MED27: variants seen among roughly 807,000 people sequenced by gnomAD.
MED27 encodes the protein mediator complex subunit 27.
A neutral mutation model predicts 38.2 loss-of-function variants in MED27; 30 were observed. That is an observed-to-expected ratio of 0.79 (90% CI 0.59 to 1.07). MED27 has a LOEUF of 1.07. Among genes scored for constraint, MED27 ranks in the 50% least tolerant of loss-of-function variants. The pLI is 0.00. For synonymous variants in MED27, 122 were observed against 153.5 expected, an observed-to-expected ratio of 0.79 and a Z score of 1.52; for missense variants, 289 against 397.5, an observed-to-expected ratio of 0.73 and a Z score of 2.32.
rs903389674 is a variant in MED27 at position 131,869,347 on chromosome 9, T to G, written c.724-6207A>C. 9.6e-5 allele frequency: 95 copies of G among 985,132 alleles called. 1 individual carries two copies. In the Middle Eastern group the frequency reaches 5.7e-3, roughly 60 times the overall value. 61.0% of individuals were successfully genotyped at this position (985,132 alleles called of 1,614,324 possible). Reference sequence around the variant, plus strand: ...TTTACATTTTTCAACAACAAAGTTGTTTTTTTGCTCAGCATCCAAGACTTG... The same window carrying G: ...TTTACATTTTTCAACAACAAAGTTGGTTTTTTGCTCAGCATCCAAGACTTG... On this transcript the variant is annotated intron_variant, in intron 6 of 7. Transcript: ENST00000292035.
intron 3 of MED27, among the ~76,000 whole-genome samples, chr9:131,989,554 AAC>A (rs1212951186): frequency 5.3e-5 from 8 of 152,226 alleles, no homozygotes; most frequent in Admixed American, 5.2e-4. Context: ...AAACACATAA[AAC>A]AGTTACCATC....
chr9:132,077,325 C>A, intron 2 of MED27, 117 bp downstream of exon 2: 4 of 1,041,650 alleles, frequency 3.8e-6, no homozygotes, highest in Non-Finnish European at 2.8e-6. Context: ...CTCTATAACC[C>A]CATGCTGAAT....
At chr9:131,957,634 C>T (rs1831131583) in intron 3 of MED27, among the ~76,000 whole-genome samples, 1 of 152,124 alleles carries the variant, frequency 6.6e-6, no homozygotes, top group Non-Finnish European at 1.5e-5. Context: ...ACAGATTAAA[C>T]ACATTGTGGT....
rs867807894 is a variant in MED27 at position 132,067,760 on chromosome 9, G to A, written c.348+9682C>T. On this transcript the variant is annotated intron_variant, in intron 2 of 7. Transcript: ENST00000292035. ...GGAGTCTTGCTCTGTCGCCCAGGCT[G>A]GAGCGCAGTGGTGTGATCTCGGCTC... Among the ~76,000 whole-genome samples, 16 of 152,308 alleles carry A rather than the reference G, an allele frequency of 1.1e-4. No individual in the cohort carries two copies. In the South Asian group the frequency reaches 1.2e-3, roughly 12 times the overall value.
rs1838650107 is a variant in MED27 at position 131,861,426 on chromosome 9, GTCC to G, written c.802-757_802-755del. Among the ~76,000 whole-genome samples the G allele has an allele frequency of 6.6e-6, 1 of 152,176 alleles. No individual in the cohort carries two copies. The highest frequency in any genetic ancestry group is 1.5e-5 in the Non-Finnish European group (1 of 68,020). ...GGGCACGTGAATCTTGTCATTTAAT[GTCC>G]TCCTGAATTAAGAGAAAACTGTTAT... On this transcript the variant is annotated intron_variant, in intron 7 of 7. Coordinates refer to ENST00000292035, the MANE Select transcript of MED27 (RefSeq NM_004269.4). The surrounding 1 kb of genome is among the most constrained non-coding windows in gnomAD (Gnocchi z 4.4).
At chr9:132,035,536 G>A (rs1300819700) in intron 2 of MED27, among the ~76,000 whole-genome samples, 7 of 152,180 alleles carry the variant, frequency 4.6e-5, no homozygotes, top group Non-Finnish European at 1.0e-4. Context: ...AGTAAATAGT[G>A]TGGTAAAGGA....
chr9:131,900,554 G>A (rs956953236), intron 4 of MED27, among the ~76,000 whole-genome samples: 34 of 151,946 alleles, frequency 2.2e-4, no homozygotes, highest in African/African-American at 8.2e-4. Flanking sequence ...CGTGTAGGGG[G>A]AAAAGTGCTT....
At chr9:131,909,178 GAGA>G (rs951521565) in intron 4 of MED27, among the ~76,000 whole-genome samples, 15 of 152,156 alleles carry the variant, frequency 9.9e-5, no homozygotes, top group Non-Finnish European at 1.9e-4. Flanking sequence ...GCTATTTATT[GAGA>G]AGAAGAAGGG....
intron 4 of MED27, among the ~76,000 whole-genome samples, chr9:131,929,081 C>T (rs1292775477): frequency 1.3e-5 from 2 of 152,184 alleles, no homozygotes; most frequent in Admixed American, 6.5e-5. Flanking sequence ...CCATTCTAGG[C>T]CCTAGCTCCC....
chr9:132,041,870 G>T (rs540619400), intron 2 of MED27, among the ~76,000 whole-genome samples: 1 of 152,234 alleles, frequency 6.6e-6, no homozygotes, highest in Non-Finnish European at 1.5e-5. Flanking sequence ...GATTAAGATA[G>T]ATTAAATACC....
At chr9:132,061,369 A>G (rs934447894) in intron 2 of MED27, among the ~76,000 whole-genome samples, 7 of 152,326 alleles carry the variant, frequency 4.6e-5, no homozygotes, top group Admixed American at 4.6e-4. Flanking sequence ...TATAAAAATA[A>G]CCACACTTTA....
intron 3 of MED27, among the ~76,000 whole-genome samples, chr9:131,951,155 A>G (rs750790422): frequency 2.6e-5 from 4 of 152,040 alleles, no homozygotes; most frequent in Non-Finnish European, 5.9e-5. Context: ...TCATCCCCCA[A>G]CCTCTTAAGT....
chr9:132,004,783 G>A (rs144265368), intron 3 of MED27, among the ~76,000 whole-genome samples: 104 of 152,278 alleles, frequency 6.8e-4, no homozygotes, highest in Middle Eastern at 3.4e-3. Context: ...AGGAACGCAC[G>A]TCCAGAACAT....
intron 6 of MED27, among the ~76,000 whole-genome samples, chr9:131,876,570 G>A (rs1310626187): frequency 2.6e-5 from 4 of 152,188 alleles, no homozygotes; most frequent in Non-Finnish European, 4.4e-5. Context: ...GGCGGTAAAA[G>A]GGTTTTCGAC....
rs73548868 is a variant in MED27 at position 131,861,861 on chromosome 9, T to C, written c.802-1189A>G. Among the ~76,000 whole-genome samples, 3,067 of 151,974 alleles carry C rather than the reference T, an allele frequency of 0.02. 96 individuals carry two copies. The highest frequency in any genetic ancestry group is 0.071 in the African/African-American group (2,922 of 41,384). On this transcript the variant is annotated intron_variant, in intron 7 of 7. Coordinates refer to ENST00000292035, the MANE Select transcript of MED27 (RefSeq NM_004269.4). This position sits in a 1 kb window ranked among gnomAD's most constrained non-coding sequence, Gnocchi z 4.4. ...AATCGATCATAGCTCACTGTAACCT[T>C]GAACTCCTGGGCTCAAGCGATCCTC...
At chr9:131,877,369 C>T (rs774531563) in intron 6 of MED27, among the ~76,000 whole-genome samples, 4 of 152,120 alleles carry the variant, frequency 2.6e-5, no homozygotes, top group Admixed American at 1.3e-4. Context: ...AGTTCAAGAC[C>T]AGCCTGGCCA....
At chr9:131,896,108 C>T (rs1183188155) in intron 4 of MED27, among the ~76,000 whole-genome samples, 1 of 152,150 alleles carries the variant, frequency 6.6e-6, no homozygotes, top group Non-Finnish European at 1.5e-5. Flanking sequence ...ACCATGTTGG[C>T]CAGGCTGATC....
At position 132,054,448 on chromosome 9, in the gene MED27, C is replaced by G. The variant is rs116359928; in HGVS notation, c.348+22994G>C. Among the ~76,000 whole-genome samples the G allele has an allele frequency of 6.5e-4, 99 of 152,320 alleles. 1 individual carries two copies. Among genetic ancestry groups the G allele is most frequent in the African/African-American group, 2.4e-3 (98 of 41,556 alleles). On this transcript the variant is annotated intron_variant, in intron 2 of 7. Transcript: ENST00000292035. ...TCTTTTCTTTTATTTGAGACAGAGT[C>G]TCACTCTATTACCCAGGCTGGAGTG...
At chr9:131,865,204 GTA>G (rs1838716165) in intron 6 of MED27, among the ~76,000 whole-genome samples, 1 of 152,146 alleles carries the variant, frequency 6.6e-6, no homozygotes, top group Non-Finnish European at 1.5e-5. Context: ...AAGATAAATG[GTA>G]CTTATTCCTT....
Sources: allele counts gnomAD v4.1 joint callset (sites outside exome capture counted in the v4.1 genomes callset), GRCh38; gene constraint gnomAD v4.1.1; non-coding constraint Gnocchi (gnomAD v3.1); transcripts MANE v1.5; gene names NCBI Gene and HGNC (gene_info 2026-07-23, HGNC 2026-07-21).